MELTF: variants seen among roughly 807,000 people sequenced by gnomAD.
MELTF encodes the protein antigen p97 (melanoma associated) identified by monoclonal antibodies 133.2 and 96.5.
Under a neutral mutation model 83.7 loss-of-function variants are expected in MELTF, and 67 were observed. The observed-to-expected ratio is 0.80, with a 90% CI of 0.66 to 0.98. The LOEUF (loss-of-function observed/expected upper bound fraction) is 0.98, where lower values mean the gene tolerates loss of function less well. Among genes scored for constraint, MELTF ranks in the 50% least tolerant of loss-of-function variants. The pLI, the probability that MELTF is intolerant of heterozygous loss-of-function variation, is 0.00. For missense variants in MELTF, 1,002 were observed against 1,035.6 expected (o/e 0.97, Z 0.44); for synonymous variants, 462 against 447.6 (o/e 1.03, Z -0.41).
chr3:197,015,509 G>A lies in MELTF; in HGVS notation c.1089C>T (p.Pro363=), dbSNP rs1472621443. 6.2e-7 allele frequency: 1 copy of A among 1,610,224 alleles called. No homozygotes were observed. The highest frequency in any genetic ancestry group is 1.1e-5 in the South Asian group (1 of 90,526). ...AGAGCACACACCAGCGCAGGTAGGG[G>A]GGCAGCCCTGGGGTGGGGCAAGCAA... ...KGLLCDPNRL[P]PYLRWCVLST... Residue 363 remains proline (P), a synonymous_variant, in exon 9 of 16, where the codon CCC becomes CCT. Transcript: ENST00000296350.
At position 197,021,422 on chromosome 3, in the gene MELTF, C is replaced by G; in HGVS notation, c.694G>C (p.Val232Leu). The change falls in exon 6 of 16, where the codon GTA (valine) becomes CTA (leucine). Residue 232 changes from valine to leucine, a missense_variant. Val to Leu is a conservative substitution (Grantham distance 32). Transcript: ENST00000296350. ...GDVAFVKHST[V>L]LENTDGKTLP... is the part of the protein sequence containing the mutation. ...CACTCACCATCCGTGTTCTCCAGTA[C>G]CGTGCTGTGCTTCACAAAAGCCACG... 1 of 1,614,144 alleles carries G rather than the reference C, an allele frequency of 6.2e-7. No homozygotes were observed. The highest frequency in any genetic ancestry group is 8.5e-7 in the Non-Finnish European group (1 of 1,180,026).
chr3:197,026,524 C>A (rs1284343992), intron 3 of MELTF, 136 bp downstream of exon 3: 2 of 716,606 alleles, frequency 2.8e-6, no homozygotes, highest in East Asian at 2.6e-5. Flanking sequence ...AGCCTTAGGG[C>A]GTTCTTCTGG....
chr3:197,024,154 A>AGGGGGGGGG lies in MELTF; in HGVS notation c.487+148_487+149insCCCCCCCCC. ...GCCGGCGGCAGAGTGGAGGCGGGGG[A>AGGGGGGGGG]GGCACGGGGCGGGCGGGGGCTGCTG... On this transcript the variant is annotated intron_variant, in intron 4 of 15. Coordinates refer to ENST00000296350, the MANE Select transcript of MELTF (RefSeq NM_005929.6). This position sits in a 1 kb window ranked among gnomAD's most constrained non-coding sequence, Gnocchi z 5.3. 1 of 574,816 alleles carries AGGGGGGGGG rather than the reference A, an allele frequency of 1.7e-6. No homozygotes were observed. The highest frequency in any genetic ancestry group is 2.4e-6 in the Non-Finnish European group (1 of 411,572). 35.6% of individuals were successfully genotyped at this position (574,816 alleles called of 1,614,324 possible).
intron 8 of MELTF, among the ~76,000 whole-genome samples, 196 bp from the exon 9 acceptor site, chr3:197,015,712 A>G (rs2148584317): frequency 6.6e-6 from 1 of 152,328 alleles, no homozygotes; most frequent in African/African-American, 2.4e-5. Context: ...GCTGGCGTGC[A>G]TGTAACTCAG....
intron 6 of MELTF, among the ~76,000 whole-genome samples, chr3:197,020,109 C>A (rs928842568): frequency 6.6e-5 from 10 of 152,176 alleles, no homozygotes; most frequent in African/African-American, 2.4e-4. Flanking sequence ...AAAAAAGAAA[C>A]AATCTTCAGG....
At chr3:197,023,827 A>C (rs1560222775) in intron 4 of MELTF, 1 of 456,262 alleles carries the variant, frequency 2.2e-6, no homozygotes, top group Non-Finnish European at 4.4e-6. Flanking sequence ...TGAGGCTTCC[A>C]GGCTCTCGCG....
chr3:197,020,946 A>G lies in MELTF; in HGVS notation c.712+458T>C, dbSNP rs567621995. Among the ~76,000 whole-genome samples, 11 of 152,258 alleles carry G rather than the reference A, an allele frequency of 7.2e-5. No individual in the cohort carries two copies. The South Asian group carries it at 1.7e-3, about 23-fold the overall frequency. On this transcript the variant is annotated intron_variant, in intron 6 of 15. Transcript: ENST00000296350. ...CTCCCAAAGTGCTGGGATTACAGGC[A>G]TGAGCCACCGTGCCCAGCCTCAACA...
At chr3:197,015,337 G>T (rs775009718) in intron 9 of MELTF, 28 bp downstream of exon 9, 23 of 1,538,914 alleles carry the variant, frequency 1.5e-5, no homozygotes, top group Non-Finnish European at 1.8e-5. Flanking sequence ...CGCCCACCTG[G>T]CCCACGCTGC....
At chr3:197,018,311 C>T (rs1014168957) in intron 6 of MELTF, among the ~76,000 whole-genome samples, 3 of 144,082 alleles carry the variant, frequency 2.1e-5, no homozygotes, top group Non-Finnish European at 3.1e-5. Flanking sequence ...CCACGCCCGG[C>T]TAATTTTTTG....
rs768030561 is a variant in MELTF at position 197,006,681 on chromosome 3, C to G, written c.1806G>C (p.Leu602=). 2 of 1,588,160 alleles carry G rather than the reference C, an allele frequency of 1.3e-6. No individual in the cohort carries two copies. The highest frequency in any genetic ancestry group is 1.7e-6 in the Non-Finnish European group (2 of 1,167,616). The change falls in exon 14 of 16, where the codon CTG becomes CTC. Residue 602 remains leucine (L), a synonymous_variant. Coordinates refer to ENST00000296350, the MANE Select transcript of MELTF (RefSeq NM_005929.6). This position sits in a 1 kb window ranked among gnomAD's most constrained non-coding sequence, Gnocchi z 5.4. ...CCTCGGCTCGGGCCCCGTTGGGGCA[C>G]AGCAGTTCATAGTCCTCTGACCTGA... ...AELRSEDYEL[L]CPNGARAEVS...
rs1453057745 is a variant in MELTF, at chr3:197,006,738, T to C, written c.1751-2A>G. On this transcript the variant is annotated splice_acceptor_variant, in intron 13 of 15. Transcript: ENST00000296350. LOFTEE classifies it high-confidence loss of function. This position sits in a 1 kb window ranked among gnomAD's most constrained non-coding sequence, Gnocchi z 5.4. Reference sequence around the variant, plus strand: ...CAGCCCAGGGCTCGGAATTGTGGCCTGAGGGGGGTAAAGCAGTGTGTGTGG... The same window carrying C: ...CAGCCCAGGGCTCGGAATTGTGGCCCGAGGGGGGTAAAGCAGTGTGTGTGG... 1 of 1,525,984 alleles carries C rather than the reference T, an allele frequency of 6.6e-7. No individual in the cohort carries two copies. The highest frequency in any genetic ancestry group is 8.8e-7 in the Non-Finnish European group (1 of 1,139,246). 94.5% of individuals were successfully genotyped at this position (1,525,984 alleles called of 1,614,324 possible).
rs1719993202 is a variant in MELTF at position 197,029,345 on chromosome 3, C to T, written c.49+309G>A. 3.0e-6 allele frequency: 1 copy of T among 328,136 alleles called. No individual in the cohort carries two copies. The highest frequency in any genetic ancestry group is 5.5e-6 in the Non-Finnish European group (1 of 180,970). The allele number at this position is 328,136 out of a possible 1,614,324, so 20.3% of individuals were successfully genotyped here. ...GAGTTCCTGCGCCCGTCGGGAGGGG[C>T]CGCCCTCCGGGAGCTCCTCTCCACA... On this transcript the variant is annotated intron_variant, in intron 1 of 15. Transcript: ENST00000296350. The surrounding 1 kb of genome is among the most constrained non-coding windows in gnomAD (Gnocchi z 6.5).
intron 11 of MELTF, 44 bp from the exon 12 acceptor site, chr3:197,009,009 AGT>A: frequency 6.2e-7 from 1 of 1,609,142 alleles, no homozygotes; most frequent in African/African-American, 1.3e-5. Flanking sequence ...AGCAGTGGAA[AGT>A]GTGGGAGGGA....
chr3:197,005,898 C>CTTGTTAACT (rs1718957311), intron 14 of MELTF, among the ~76,000 whole-genome samples: 1 of 152,042 alleles, frequency 6.6e-6, no homozygotes, highest in African/African-American at 2.4e-5. Context: ...CCAGAGCAGA[C>CTTGTTAACT]CACTCTTTGG....
intron 7 of MELTF, 94 bp downstream of exon 7, chr3:197,017,009 G>T (rs1414182019): frequency 2.9e-6 from 4 of 1,358,238 alleles, no homozygotes; most frequent in Non-Finnish European, 4.1e-6. Context: ...ACAGTCTCTG[G>T]GTCCTGCCCC....
intron 9 of MELTF, among the ~76,000 whole-genome samples, chr3:197,014,286 T>C (rs981382598): frequency 8.6e-5 from 13 of 151,520 alleles, no homozygotes; most frequent in Non-Finnish European, 1.8e-4. Flanking sequence ...GTTCCACTCA[T>C]ATGTGGAAGC....
At chr3:197,026,571 G>T in intron 3 of MELTF, 89 bp downstream of exon 3, 1 of 1,168,792 alleles carries the variant, frequency 8.6e-7, no homozygotes, top group Non-Finnish European at 1.3e-6. Flanking sequence ...CAGGGCTGAT[G>T]GCCAGCTCAG....
intron 5 of MELTF, 39 bp from the exon 6 acceptor site, chr3:197,021,510 C>A: frequency 6.3e-7 from 1 of 1,586,516 alleles, no homozygotes; most frequent in Non-Finnish European, 8.6e-7. Context: ...GGGCTGAGCC[C>A]CTGCCCCTGC....
chr3:197,019,188 C>CGCTTCCCAACTTTCCT (rs1030986307), intron 6 of MELTF: 264 of 1,002,044 alleles, frequency 2.6e-4, no homozygotes, highest in Non-Finnish European at 2.8e-4. Flanking sequence ...GTCCTACCCC[C>CGCTTCCCAACTTTCCT]GCTTCCCAAC....
Sources: gnomAD v4.1 joint callset for allele counts (sites outside exome capture counted in the v4.1 genomes callset) on GRCh38, gnomAD v4.1.1 for gene constraint, Gnocchi (gnomAD v3.1) non-coding constraint, MANE v1.5 for transcripts, NCBI Gene and HGNC (gene_info 2026-07-23, HGNC 2026-07-21) for gene names.